ANKRD13A: variants seen among roughly 807,000 people sequenced by gnomAD.
ANKRD13A encodes ankyrin repeat domain 13A, also known as ankyrin repeat domain-containing protein 13A.
ANKRD13A carries 48 observed loss-of-function variants against 81.3 expected under a neutral mutation model. The observed-to-expected ratio is 0.59, with a 90% CI of 0.47 to 0.75. The LOEUF (loss-of-function observed/expected upper bound fraction) is 0.75, where lower values mean the gene tolerates loss of function less well. Among genes scored for constraint, ANKRD13A ranks in the 30% least tolerant of loss-of-function variants. ANKRD13A has a pLI of 0.00. For synonymous variants in ANKRD13A, 230 were observed against 270.1 expected (o/e 0.85, Z 1.45); for missense variants, 612 against 734.0 (o/e 0.83, Z 1.92).
chr12:110,017,184 A>G (rs1890844533), intron 4 of ANKRD13A, among the ~76,000 whole-genome samples: 1 of 152,220 alleles, frequency 6.6e-6, no homozygotes, highest in Non-Finnish European at 1.5e-5. Flanking sequence ...TGCTGGGATT[A>G]CAGGCATGAG....
At chr12:110,010,387 T>C (rs1367424257) in intron 1 of ANKRD13A, among the ~76,000 whole-genome samples, 1 of 152,258 alleles carries the variant, frequency 6.6e-6, no homozygotes, top group Non-Finnish European at 1.5e-5. Context: ...TTGCTAATTA[T>C]TTCTTTCCTG....
chr12:110,017,847 G>T (rs924751008), intron 4 of ANKRD13A, among the ~76,000 whole-genome samples: 15 of 151,928 alleles, frequency 9.9e-5, no homozygotes, highest in African/African-American at 3.4e-4. Context: ...CAGGAGAATC[G>T]CTTGAACCTG....
intron 10 of ANKRD13A, 92 bp downstream of exon 10, chr12:110,028,734 C>T: frequency 6.5e-7 from 1 of 1,533,742 alleles, no homozygotes. Flanking sequence ...CACTGCCCTC[C>T]CCACCACCCT....
At position 110,030,706 on chromosome 12, in the gene ANKRD13A, C is replaced by T. The variant is rs1172279282; in HGVS notation, c.1296C>T (p.Ser432=). The T allele has an allele frequency of 6.2e-7, 1 of 1,610,750 alleles. No homozygotes were observed. The stretch of plus-strand genomic sequence containing the variant: ...CATTTGGAAATGTTAATGGCTGTAG[C>T]ACTGCCGAAGAATCTGTATCTCAAA... ...RITFGNVNGC[S]TAEESVSQNV... The change falls in exon 12 of 15, where the codon AGC becomes AGT. Residue 432 remains serine, a synonymous_variant. Coordinates refer to ENST00000261739, the MANE Select transcript of ANKRD13A (RefSeq NM_033121.2).
intron 14 of ANKRD13A, among the ~76,000 whole-genome samples, chr12:110,037,054 A>G (rs1331853984): frequency 6.6e-6 from 1 of 152,240 alleles, no homozygotes; most frequent in African/African-American, 2.4e-5. Context: ...GATTCATTTT[A>G]CGAAGACTTA....
intron 3 of ANKRD13A, among the ~76,000 whole-genome samples, chr12:110,015,480 C>G (rs2137115357): frequency 6.6e-6 from 1 of 152,336 alleles, no homozygotes; most frequent in East Asian, 1.9e-4. Flanking sequence ...TGTTAGGAAC[C>G]TGACTGGAAC....
At chr12:110,028,375 C>A in intron 9 of ANKRD13A, 137 bp from the exon 10 acceptor site, 1 of 890,344 alleles carries the variant, frequency 1.1e-6, no homozygotes, top group African/African-American at 1.7e-5. Flanking sequence ...TTTTCTTGTT[C>A]CATGCAAAAA....
At chr12:110,006,105 C>G (rs754884382) in intron 1 of ANKRD13A, among the ~76,000 whole-genome samples, 25 of 152,250 alleles carry the variant, frequency 1.6e-4, no homozygotes, top group Non-Finnish European at 2.6e-4. Flanking sequence ...GCATGAGCCA[C>G]TGCACCCAGC....
At position 109,999,763 on chromosome 12, in the gene ANKRD13A, C is replaced by G. The variant is rs910839105; in HGVS notation, c.75C>G (p.Leu25=). 31 of 1,529,590 alleles carry G rather than the reference C, an allele frequency of 2.0e-5. No individual in the cohort carries two copies. The highest frequency in any genetic ancestry group is 2.6e-5 in the Non-Finnish European group (30 of 1,136,342). 94.8% of individuals were successfully genotyped at this position (1,529,590 alleles called of 1,614,324 possible). A position where few individuals can be genotyped will look rare whatever the true frequency, so the allele number is the denominator to read the frequency against. Residue 25 remains leucine, a synonymous_variant, in exon 1 of 15, where the codon CTC becomes CTG. Coordinates refer to ENST00000261739, the MANE Select transcript of ANKRD13A (RefSeq NM_033121.2). This position sits in a 1 kb window ranked among gnomAD's most constrained non-coding sequence, Gnocchi z 4.3. ...LLVWKNDYRQ[L]EKELQGQNVE... ...TCTGGAAAAACGACTACCGGCAGCTCGAGAAGGAGCTGCAGGGCCAGGTGA... is the reference window on the plus strand; with the variant it reads ...TCTGGAAAAACGACTACCGGCAGCTGGAGAAGGAGCTGCAGGGCCAGGTGA...
At chr12:110,034,974 A>G (rs1891937470) in intron 13 of ANKRD13A, among the ~76,000 whole-genome samples, 1 of 152,146 alleles carries the variant, frequency 6.6e-6, no homozygotes, top group South Asian at 2.1e-4. Flanking sequence ...TCAAGCTTAT[A>G]GCTTTCTGGT....
chr12:110,026,151 C>G (rs542774228), intron 8 of ANKRD13A, among the ~76,000 whole-genome samples: 1 of 151,684 alleles, frequency 6.6e-6, no homozygotes, highest in Non-Finnish European at 1.5e-5. Context: ...TCAGTAGAGA[C>G]GGGGTTTCAC....
Position 110,024,123 on chromosome 12 carries a change from ACT to A in ANKRD13A, c.801+14_801+15del, listed in dbSNP as rs765293685. ...GGTTACGAAGCAAAGGTAAAAGGAA[ACT>A]CTTAAAATAAGATTTAATATAGCTA... On this transcript the variant is annotated intron_variant, in intron 7 of 14. Transcript: ENST00000261739. 13 of 1,588,952 alleles carry A rather than the reference ACT, an allele frequency of 8.2e-6. No individual in the cohort carries two copies. Among genetic ancestry groups the A allele is most frequent in the African/African-American group, 2.7e-5 (2 of 73,162 alleles).
chr12:110,018,651 C>T lies in ANKRD13A; in HGVS notation c.544+163C>T, dbSNP rs562439462. Among the ~76,000 whole-genome samples, 20 of 152,256 alleles carry T rather than the reference C, an allele frequency of 1.3e-4. No individual in the cohort carries two copies. The Middle Eastern group carries it at 0.017, about 129-fold the overall frequency. ...TTATTCAGCTCTCCATCCCTGTCTT[C>T]GTTCTTGTCTGGCTAGCTCTCCTTC... On this transcript the variant is annotated intron_variant, in intron 5 of 14. Transcript: ENST00000261739. The surrounding 1 kb of genome is among the most constrained non-coding windows in gnomAD (Gnocchi z 4.4).
rs1188052732 is a variant in ANKRD13A at position 110,036,137 on chromosome 12, C to G, written c.1510-124C>G. 8 of 892,788 alleles carry G rather than the reference C, an allele frequency of 9.0e-6. No individual in the cohort carries two copies. Among genetic ancestry groups the G allele is most frequent in the African/African-American group, 1.6e-5 (1 of 60,724 alleles). 55.3% of individuals were successfully genotyped at this position (892,788 alleles called of 1,614,324 possible). On this transcript the variant is annotated intron_variant, in intron 13 of 14. Transcript: ENST00000261739. The surrounding 1 kb of genome is among the most constrained non-coding windows in gnomAD (Gnocchi z 4.6). Reference sequence around the variant, plus strand: ...CCCAAGTCCCTGTTAGCTTTTCACACAGCACTATTGATAATGGTCATGGAA... The same window carrying G: ...CCCAAGTCCCTGTTAGCTTTTCACAGAGCACTATTGATAATGGTCATGGAA...
chr12:110,007,373 GT>G (rs1184329565), intron 1 of ANKRD13A, among the ~76,000 whole-genome samples: 3 of 151,564 alleles, frequency 2.0e-5, no homozygotes, highest in East Asian at 3.9e-4. Context: ...ATTTTTTGAG[GT>G]TTTTTTTGTT....
At chr12:110,012,358 C>A (rs553564214) in intron 2 of ANKRD13A, among the ~76,000 whole-genome samples, 25 of 152,004 alleles carry the variant, frequency 1.6e-4, no homozygotes, top group Admixed American at 1.3e-3. Flanking sequence ...AGAGCAAGAA[C>A]TTTTCTCAAA....
Position 110,018,994 on chromosome 12 carries a change from A to C in ANKRD13A, c.545-145A>C. 1 of 747,532 alleles carries C rather than the reference A, an allele frequency of 1.3e-6. No homozygotes were observed. The highest frequency in any genetic ancestry group is 2.0e-6 in the Non-Finnish European group (1 of 492,868). 46.3% of individuals were successfully genotyped at this position (747,532 alleles called of 1,614,324 possible). A position where few individuals can be genotyped will look rare whatever the true frequency, so the allele number is the denominator to read the frequency against. ...TCAGATAATCCCTGTGCAAATAGGT[A>C]GTCGATAATCAGTACACTGTAGGTT... On this transcript the variant is annotated intron_variant, in intron 5 of 14. Transcript: ENST00000261739. This position sits in a 1 kb window ranked among gnomAD's most constrained non-coding sequence, Gnocchi z 4.4.
rs1892028284 is a variant in ANKRD13A, at chr12:110,036,066, C to G, written c.1510-195C>G. On this transcript the variant is annotated intron_variant, in intron 13 of 14. Transcript: ENST00000261739. The surrounding 1 kb of genome is among the most constrained non-coding windows in gnomAD (Gnocchi z 4.6). The stretch of plus-strand genomic sequence containing the variant: ...GAGAAGGTTGTGGCTGTGAGTTAGG[C>G]TGTGGCATGTTACTACCTCCCACTT... The G allele has an allele frequency of 6.9e-6, 4 of 576,902 alleles. No individual in the cohort carries two copies. The highest frequency in any genetic ancestry group is 9.5e-6 in the Non-Finnish European group (3 of 315,258). The allele number at this position is 576,902 out of a possible 1,614,324, so 35.7% of individuals were successfully genotyped here. A position where few individuals can be genotyped will look rare whatever the true frequency, so the allele number is the denominator to read the frequency against.
chr12:110,029,304 G>A (rs1479527275), intron 10 of ANKRD13A, 174 bp from the exon 11 acceptor site: 2 of 605,946 alleles, frequency 3.3e-6, no homozygotes, highest in African/African-American at 3.7e-5. Flanking sequence ...CAGATTTTAG[G>A]GTGATGTGAA....
Sources: gnomAD v4.1 joint callset for allele counts (sites outside exome capture counted in the v4.1 genomes callset) on GRCh38, gnomAD v4.1.1 for gene constraint, Gnocchi (gnomAD v3.1) non-coding constraint, MANE v1.5 for transcripts, NCBI Gene and HGNC (gene_info 2026-07-23, HGNC 2026-07-21) for gene names.